The following IGF2BP2 variants were observed in gnomAD, a reference collection of about 807,000 sequenced individuals.
IGF2BP2 encodes insulin like growth factor 2 mRNA binding protein 2.
In IGF2BP2, 17 loss-of-function variants were observed where a neutral mutation model predicts 75.8. The ratio of observed to expected loss-of-function variants is 0.22; its 90% CI spans 0.15 to 0.34. The LOEUF is 0.34. Ranked by LOEUF, IGF2BP2 falls within the 10% of genes least tolerant of loss-of-function variation. The pLI is 1.00. For synonymous variants in IGF2BP2, 288 were observed against 295.6 expected, an observed-to-expected ratio of 0.97 and a Z score of 0.26; for missense variants, 516 against 772.4, an observed-to-expected ratio of 0.67 and a Z score of 3.93.
chr3:185,665,157 G>A (rs1717101800), intron 10 of IGF2BP2, among the ~76,000 whole-genome samples: 1 of 132,876 alleles, frequency 7.5e-6, no homozygotes, highest in Admixed American at 8.1e-5. Flanking sequence ...GACAGAGCAG[G>A]ACCCTGTTTC....
rs1254066535 is a variant in IGF2BP2 at position 185,770,992 on chromosome 3, C to T, written c.239+52161G>A. On this transcript the variant is annotated intron_variant, in intron 2 of 15. Coordinates refer to ENST00000382199, the MANE Select transcript of IGF2BP2 (RefSeq NM_006548.6). ...TCTTGAACTCTTGGCCTCAAGCAATCTTCCCACCTTGGCTACCCAAAATGC... is the reference window on the plus strand; with the variant it reads ...TCTTGAACTCTTGGCCTCAAGCAATTTTCCCACCTTGGCTACCCAAAATGC... Among the ~76,000 whole-genome samples the T allele has an allele frequency of 2.6e-5, 4 of 152,310 alleles. No individual in the cohort carries two copies. In the East Asian group the frequency reaches 7.7e-4, roughly 29 times the overall value.
chr3:185,658,727 C>T (rs1034507928), intron 10 of IGF2BP2, among the ~76,000 whole-genome samples: 2 of 152,244 alleles, frequency 1.3e-5, no homozygotes, highest in Non-Finnish European at 2.9e-5. Context: ...CATACACCCA[C>T]TGGCACTTGC....
intron 2 of IGF2BP2, among the ~76,000 whole-genome samples, chr3:185,798,780 CTTTTTTCT>C (rs1207823163): frequency 3.1e-4 from 44 of 140,866 alleles, no homozygotes; most frequent in East Asian, 4.1e-4. Context: ...CTAAGTTTTT[CTTTTTTCT>C]TTTTTTCTTT....
rs577953213 is a variant in IGF2BP2, at chr3:185,814,079, G to T, written c.239+9074C>A. 4 of 152,360 alleles carry T rather than the reference G, an allele frequency of 2.6e-5. No individual in the cohort carries two copies. In the East Asian group the frequency reaches 7.7e-4, roughly 29 times the overall value. The allele number at this position is 152,360 out of a possible 1,614,324, so 9.4% of individuals were successfully genotyped here. ...ACTATCTTCCACACACTATCAGTGAGGACCAGTCTTTGCCACGTGCTCTGG... is the reference window on the plus strand; with the variant it reads ...ACTATCTTCCACACACTATCAGTGATGACCAGTCTTTGCCACGTGCTCTGG... On this transcript the variant is annotated intron_variant, in intron 2 of 15. Transcript: ENST00000382199.
At chr3:185,805,285 C>T (rs1285630535) in intron 2 of IGF2BP2, among the ~76,000 whole-genome samples, 2 of 152,082 alleles carry the variant, frequency 1.3e-5, no homozygotes, top group African/African-American at 4.8e-5. Flanking sequence ...GAGTGTGGTG[C>T]TAACTTGAGC....
chr3:185,818,370 T>C (rs1740881995), intron 2 of IGF2BP2, among the ~76,000 whole-genome samples: 1 of 152,196 alleles, frequency 6.6e-6, no homozygotes, highest in Non-Finnish European at 1.5e-5. Flanking sequence ...TACCTGTGAC[T>C]TGGCTTTCAC....
intron 10 of IGF2BP2, among the ~76,000 whole-genome samples, chr3:185,670,095 A>G (rs1718290979): frequency 6.6e-6 from 1 of 152,230 alleles, no homozygotes; most frequent in African/African-American, 2.4e-5. Context: ...CCATGGAATC[A>G]AGATCAGAAT....
intron 2 of IGF2BP2, among the ~76,000 whole-genome samples, chr3:185,811,739 G>A (rs1739857439): frequency 6.6e-6 from 1 of 152,094 alleles, no homozygotes; most frequent in South Asian, 2.1e-4. Context: ...AAAGTTGTGT[G>A]CAAAATACGA....
intron 2 of IGF2BP2, among the ~76,000 whole-genome samples, chr3:185,702,816 G>A (rs1161524920): frequency 6.6e-6 from 1 of 152,144 alleles, no homozygotes; most frequent in East Asian, 1.9e-4. Flanking sequence ...GCCAGAATGA[G>A]CCTTCAACTC....
intron 1 of IGF2BP2, 71 bp downstream of exon 1, chr3:185,824,712 G>A: frequency 8.6e-7 from 1 of 1,165,664 alleles, no homozygotes; most frequent in Non-Finnish European, 1.1e-6. Context: ...CGCCGGACTC[G>A]GCCTCCCTCC....
chr3:185,652,137 T>C lies in IGF2BP2; in HGVS notation c.1418A>G (p.Glu473Gly). The C allele has an allele frequency of 1.2e-6, 2 of 1,613,274 alleles. No individual in the cohort carries two copies. Among genetic ancestry groups the C allele is most frequent in the Non-Finnish European group, 1.7e-6 (2 of 1,179,440 alleles). The change falls in exon 13 of 16, where the codon GAA becomes GGA. Residue 473 changes from glutamate to glycine, a missense_variant. Glu to Gly is a moderately conservative substitution (Grantham distance 98, BLOSUM62 -2). Coordinates refer to ENST00000382199, the MANE Select transcript of IGF2BP2 (RefSeq NM_006548.6). ...TGGCCCGGTGATGATGACCATCCTTTCGCTGACGTCTGGGCCTTCCGCAGG... is the reference window on the plus strand; with the variant it reads ...TGGCCCGGTGATGATGACCATCCTTCCGCTGACGTCTGGGCCTTCCGCAGG... ...IAPAEGPDVSERMVIITGPPE... is the reference protein window; with the variant it reads ...IAPAEGPDVSGRMVIITGPPE...
chr3:185,761,791 G>A (rs1732404613), intron 2 of IGF2BP2, among the ~76,000 whole-genome samples: 2 of 152,312 alleles, frequency 1.3e-5, no homozygotes, highest in South Asian at 4.1e-4. Context: ...ACTTTGGTTA[G>A]GATTTAAACA....
intron 2 of IGF2BP2, among the ~76,000 whole-genome samples, chr3:185,699,299 T>C (rs1415845532): frequency 6.6e-6 from 1 of 152,130 alleles, no homozygotes; most frequent in Non-Finnish European, 1.5e-5. Flanking sequence ...TATACAATTA[T>C]CCCCTTCTTC....
chr3:185,674,187 T>A (rs1010637965), intron 9 of IGF2BP2, among the ~76,000 whole-genome samples: 4 of 152,178 alleles, frequency 2.6e-5, no homozygotes, highest in African/African-American at 9.7e-5. Context: ...GACATTTATT[T>A]CTCTAAGAAA....
At chr3:185,713,230 A>G in intron 2 of IGF2BP2, 1 of 353,376 alleles carries the variant, frequency 2.8e-6, no homozygotes. Context: ...CACTGCATAG[A>G]AACAGAACTC....
At chr3:185,662,795 G>A (rs1320161282) in intron 10 of IGF2BP2, among the ~76,000 whole-genome samples, 6 of 151,880 alleles carry the variant, frequency 4.0e-5, no homozygotes, top group Non-Finnish European at 8.8e-5. Context: ...CTCCCACCAC[G>A]GCCTCCCAAA....
chr3:185,713,274 T>C (rs1393627514), intron 2 of IGF2BP2: 19 of 374,076 alleles, frequency 5.1e-5, no homozygotes, highest in African/African-American at 8.5e-5. Context: ...TAATTAGTAA[T>C]ATAGGGATAC....
chr3:185,781,914 T>A (rs1451718995), intron 2 of IGF2BP2, among the ~76,000 whole-genome samples: 1 of 152,030 alleles, frequency 6.6e-6, no homozygotes, highest in Non-Finnish European at 1.5e-5. Flanking sequence ...TGGGATAAGG[T>A]CCTGGGAGTT....
intron 2 of IGF2BP2, among the ~76,000 whole-genome samples, chr3:185,702,350 T>A (rs1234271993): frequency 1.3e-5 from 2 of 151,994 alleles, no homozygotes; most frequent in Non-Finnish European, 2.9e-5. Flanking sequence ...TTTCCCTCCT[T>A]CCTTTAGACA....
Sources: allele counts gnomAD v4.1 joint callset (sites outside exome capture counted in the v4.1 genomes callset), GRCh38; gene constraint gnomAD v4.1.1; transcripts MANE v1.5; gene names NCBI Gene and HGNC (gene_info 2026-07-23, HGNC 2026-07-21).